The following CEP192 variants were observed in gnomAD, a reference collection of about 807,000 sequenced individuals.
The protein encoded by CEP192 is centrosomal protein 192.
Under a neutral mutation model 271.8 loss-of-function variants are expected in CEP192, and 151 were observed. The ratio of observed to expected loss-of-function variants is 0.56; its 90% CI spans 0.49 to 0.64. CEP192 has a LOEUF of 0.64. Among genes scored for constraint, CEP192 ranks in the 30% least tolerant of loss-of-function variants. CEP192 has a pLI of 0.00. For missense variants in CEP192, 2,910 were observed against 3,020.5 expected (o/e 0.96, Z 0.86); for synonymous variants, 995 against 1,076.5 (o/e 0.92, Z 1.48).
At chr18:13,005,082 C>T (rs983876920) in intron 3 of CEP192, among the ~76,000 whole-genome samples, 3 of 151,978 alleles carry the variant, frequency 2.0e-5, no homozygotes, top group African/African-American at 7.3e-5. Context: ...CTAGGGAGAG[C>T]GACCTGGAAG....
intron 30 of CEP192, among the ~76,000 whole-genome samples, chr18:13,076,365 C>T (rs1202674777): frequency 6.6e-6 from 1 of 151,960 alleles, no homozygotes; most frequent in Non-Finnish European, 1.5e-5. Flanking sequence ...GCTGGGACTA[C>T]AGGCGCGTGC....
chr18:13,024,947 T>C (rs561532986), intron 9 of CEP192, among the ~76,000 whole-genome samples: 1 of 151,392 alleles, frequency 6.6e-6, no homozygotes, highest in African/African-American at 2.4e-5. Flanking sequence ...TTTTTTTGTA[T>C]TTTTAGTAGA....
Position 13,078,307 on chromosome 18 carries a change from C to T in CEP192, c.5616+5122C>T, listed in dbSNP as rs149161087. Among the ~76,000 whole-genome samples the T allele has an allele frequency of 9.6e-3, 1,455 of 152,238 alleles. 21 individuals carry two copies. Among genetic ancestry groups the T allele is most frequent in the African/African-American group, 0.034 (1,392 of 41,524 alleles). On this transcript the variant is annotated intron_variant, in intron 30 of 44. Transcript: ENST00000506447. ...ATAGTATTCTATGGTGTATATGTGCCACATTTTCTTTATCCAGTCTATCAT... is the reference window on the plus strand; with the variant it reads ...ATAGTATTCTATGGTGTATATGTGCTACATTTTCTTTATCCAGTCTATCAT...
intron 30 of CEP192, among the ~76,000 whole-genome samples, chr18:13,075,190 TTG>T (rs1286519914): frequency 6.6e-6 from 1 of 152,230 alleles, no homozygotes; most frequent in Non-Finnish European, 1.5e-5. Flanking sequence ...TTTGGCCTTT[TTG>T]CCCTTCTGCC....
intron 11 of CEP192, among the ~76,000 whole-genome samples, chr18:13,035,308 C>G (rs745925283): frequency 6.6e-6 from 1 of 152,066 alleles, no homozygotes; most frequent in African/African-American, 2.4e-5. Flanking sequence ...AAAGACATAC[C>G]CGAAACTGGG....
rs373578111 is a variant in CEP192, at chr18:13,114,160, G to A, written c.7198G>A (p.Ala2400Thr). 5 of 1,613,734 alleles carry A rather than the reference G, an allele frequency of 3.1e-6. No individual in the cohort carries two copies. Among genetic ancestry groups the A allele is most frequent in the Non-Finnish European group, 4.2e-6 (5 of 1,179,840 alleles). The change falls in exon 42 of 45, where the codon GCA (alanine) becomes ACA (threonine). Residue 2400 changes from alanine (A) to threonine (T), a missense_variant. Physicochemically the swap from Ala to Thr is moderately conservative, Grantham distance 58. Transcript: ENST00000506447. ...CGAAGCAGAAAATGAGCCTGAAAAC[G>A]CATGCCTTTCCACGGATTCCCTCAT... The part of the protein sequence containing the change: ...SIEAENEPEN[A>T]CLSTDSLIKI...
chr18:13,116,644 C>G, intron 43 of CEP192, 141 bp downstream of exon 43: 1 of 754,744 alleles, frequency 1.3e-6, no homozygotes, highest in Non-Finnish European at 2.0e-6. Flanking sequence ...TGGAGTCTCG[C>G]TGTCGCCCAG....
At chr18:12,994,072 A>G (rs2033059220) in intron 1 of CEP192, among the ~76,000 whole-genome samples, 1 of 152,220 alleles carries the variant, frequency 6.6e-6, no homozygotes, top group South Asian at 2.1e-4. Flanking sequence ...ACAGATACTT[A>G]CTGAGTACCT....
chr18:13,097,122 C>T (rs1332585142), intron 36 of CEP192, among the ~76,000 whole-genome samples: 1 of 152,218 alleles, frequency 6.6e-6, no homozygotes, highest in East Asian at 1.9e-4. Context: ...GTTGCTGGGA[C>T]CAGAGCAGTC....
chr18:13,098,011 C>T (rs1232811514), intron 36 of CEP192, among the ~76,000 whole-genome samples: 1 of 152,130 alleles, frequency 6.6e-6, no homozygotes, highest in Non-Finnish European at 1.5e-5. Context: ...TTTCTTAGTA[C>T]AGAACAAAAT....
intron 30 of CEP192, among the ~76,000 whole-genome samples, chr18:13,079,548 G>C (rs1030151362): frequency 6.6e-6 from 1 of 152,148 alleles, no homozygotes. Flanking sequence ...CCCTTTGACA[G>C]ATGGGTAGAT....
Position 13,071,147 on chromosome 18 carries a change from T to G in CEP192, c.5283T>G (p.Asp1761Glu). The G allele has an allele frequency of 6.2e-7, 1 of 1,614,208 alleles. No homozygotes were observed. Among genetic ancestry groups the G allele is most frequent in the Non-Finnish European group, 8.5e-7 (1 of 1,180,006 alleles). The change falls in exon 28 of 45, where the codon GAT (aspartate) becomes GAG (glutamate). Residue 1761 changes from aspartate to glutamate, a missense_variant. Coordinates refer to ENST00000506447, the MANE Select transcript of CEP192 (RefSeq NM_032142.4). ...CTCTGTCACCTGGACCTTGCTTAGA[T>G]ATTCCATCGATTTTGTCCAACAAAC... ...SKPLSPGPCLDIPSILSNKQF... is the reference protein window; with the variant it reads ...SKPLSPGPCLEIPSILSNKQF...
chr18:13,057,674 A>G lies in CEP192; in HGVS notation c.4198A>G (p.Thr1400Ala), dbSNP rs202098069. The G allele has an allele frequency of 1.7e-4, 280 of 1,613,984 alleles. No individual in the cohort carries two copies. Among genetic ancestry groups the G allele is most frequent in the Non-Finnish European group, 2.1e-4 (244 of 1,180,008 alleles). The change falls in exon 20 of 45, where the codon ACT (threonine) becomes GCT (alanine). Residue 1400 changes from threonine to alanine, a missense_variant. By Grantham distance (58) the Thr-to-Ala change is moderately conservative. Transcript: ENST00000506447. ...GACCCTCCTCAGTGTGCTTAATCCA[A>G]CTGACCGCTGGCTGCAAGTCAGCAT... is the stretch of plus-strand genomic sequence containing the variant. ...SQTLLSVLNPTDRWLQVSIGV... is the reference protein window; with the variant it reads ...SQTLLSVLNPADRWLQVSIGV...
Position 13,015,456 on chromosome 18 carries a change from A to G in CEP192, c.640+8A>G. 6.4e-7 allele frequency: 1 copy of G among 1,550,862 alleles called. No homozygotes were observed. Among genetic ancestry groups the G allele is most frequent in the Non-Finnish European group, 8.7e-7 (1 of 1,146,618 alleles). ...GCTTGGAAGATTCTTCTGGTACTGC[A>G]GAGTAACCTGTGTTTCCCTGGTCTT... On this transcript the variant is annotated splice_region_variant and intron_variant, in intron 6 of 44. Coordinates refer to ENST00000506447, the MANE Select transcript of CEP192 (RefSeq NM_032142.4).
chr18:13,116,562 A>G, intron 43 of CEP192, 59 bp downstream of exon 43: 2 of 1,455,716 alleles, frequency 1.4e-6, no homozygotes, highest in Non-Finnish European at 1.9e-6. Context: ...CTCTGATAAC[A>G]AACATTTTCC....
In CEP192 at chr18:13,071,060, G is replaced by A; in HGVS notation, c.5196G>A (p.Gln1732=). The A allele has an allele frequency of 6.2e-7, 1 of 1,613,392 alleles. No individual in the cohort carries two copies. Among genetic ancestry groups the A allele is most frequent in the Non-Finnish European group, 8.5e-7 (1 of 1,179,680 alleles). ...CEERILKIFV[Q]PFGPQYEVVL... is the part of the protein sequence containing the mutation. ...TTAGGATCTTGAAAATATTTGTGCA[G>A]CCATTTGGACCTCAGTATGAGGTAG... The change falls in exon 28 of 45, where the codon CAG becomes CAA. Residue 1732 remains glutamine (Q), a synonymous_variant. Coordinates refer to ENST00000506447, the MANE Select transcript of CEP192 (RefSeq NM_032142.4).
chr18:13,005,591 G>A (rs547756269), intron 3 of CEP192, among the ~76,000 whole-genome samples: 1 of 152,172 alleles, frequency 6.6e-6, no homozygotes, highest in Non-Finnish European at 1.5e-5. Flanking sequence ...GAGGCCTGGG[G>A]AGGTGGAGTC....
rs2038104130 is a variant in CEP192, at chr18:13,073,171, G to A, written c.5602G>A (p.Gly1868Ser). ...IKQLGNRSQP[G>S]IKFTIPLSGY... ...ACAACTTGGAAATCGATCACAACCA[G>A]GCATTAAGTTCACAGTAAGATCATT... Residue 1868 changes from glycine to serine, a missense_variant, in exon 30 of 45, where the codon GGC becomes AGC. Transcript: ENST00000506447. 6.2e-7 allele frequency: 1 copy of A among 1,607,986 alleles called. No individual in the cohort carries two copies. Among genetic ancestry groups the A allele is most frequent in the Non-Finnish European group, 8.5e-7 (1 of 1,178,232 alleles).
intron 4 of CEP192, among the ~76,000 whole-genome samples, chr18:13,010,761 G>T (rs1345405089): frequency 6.6e-6 from 1 of 151,752 alleles, no homozygotes; most frequent in African/African-American, 2.4e-5. Flanking sequence ...CAGGAGAATC[G>T]CTTGAACCTG....
Sources: gnomAD v4.1 joint callset for allele counts (sites outside exome capture counted in the v4.1 genomes callset) on GRCh38, gnomAD v4.1.1 for gene constraint, MANE v1.5 for transcripts, NCBI Gene and HGNC (gene_info 2026-07-23, HGNC 2026-07-21) for gene names.